Variants in SLC6A3 observed in about 807,000 individuals in gnomAD.
The protein encoded by SLC6A3 is sodium-dependent dopamine transporter.
A neutral mutation model predicts 70.4 loss-of-function variants in SLC6A3; 19 were observed. The ratio of observed to expected loss-of-function variants is 0.27; its 90% CI spans 0.19 to 0.40. The LOEUF (loss-of-function observed/expected upper bound fraction) is 0.40. Among genes scored for constraint, SLC6A3 ranks in the 10% least tolerant of loss-of-function variants. The probability of loss-of-function intolerance (pLI) is 1.00; values close to 1 mark genes in which losing one functional copy is unlikely to be tolerated. For missense variants in SLC6A3, 613 were observed against 838.5 expected (o/e 0.73, Z 3.32); for synonymous variants, 368 against 356.6 (o/e 1.03, Z -0.36).
At chr5:1,412,462 C>T (rs565994373) in intron 8 of SLC6A3, among the ~76,000 whole-genome samples, 10 of 152,318 alleles carry the variant, frequency 6.6e-5, no homozygotes, top group East Asian at 1.9e-4. Context: ...ATGGCAAAGG[C>T]GGAGGAGGTG....
rs1447367029 is a variant in SLC6A3, at chr5:1,422,634, C to CCA, written c.654-622_654-621dup. Among the ~76,000 whole-genome samples the CCA allele has an allele frequency of 1.5e-3, 76 of 49,882 alleles. 5 individuals are homozygous for CCA. The highest frequency in any genetic ancestry group is 3.4e-3 in the East Asian group (4 of 1,172). 32.7% of individuals were successfully genotyped at this position (49,882 alleles called of 152,430 possible). A position where few individuals can be genotyped will look rare whatever the true frequency, so the allele number is the denominator to read the frequency against. On this transcript the variant is annotated intron_variant, in intron 4 of 14. Transcript: ENST00000270349. ...CATGGTGCTGGGTGCCCACCGCTGC[C>CCA]CAGTGCTGCCCATGGTGCTGGGTAC... is the stretch of plus-strand genomic sequence containing the variant.
chr5:1,431,386 G>T (rs1015991371), intron 4 of SLC6A3, among the ~76,000 whole-genome samples: 2 of 152,166 alleles, frequency 1.3e-5, no homozygotes, highest in African/African-American at 4.8e-5. Context: ...CCTGGCCTGG[G>T]TGGACAGTGA....
intron 11 of SLC6A3, among the ~76,000 whole-genome samples, chr5:1,407,326 C>G (rs1255364107): frequency 6.6e-6 from 1 of 152,182 alleles, no homozygotes; most frequent in African/African-American, 2.4e-5. Context: ...GAGCTCTGAA[C>G]ATGAGAGATG....
At chr5:1,432,211 G>A (rs1756720703) in intron 4 of SLC6A3, among the ~76,000 whole-genome samples, 1 of 152,140 alleles carries the variant, frequency 6.6e-6, no homozygotes, top group African/African-American at 2.4e-5. Context: ...GCCGCTGGGA[G>A]CAGCCAAGGG....
chr5:1,409,012 T>G lies in SLC6A3; in HGVS notation c.1498+14A>C. ...CAAGAGGGTGCCGGCTTGGCTGCCTTCCCCCGGACTCACCATAGAACCAGG... is the reference window on the plus strand; with the variant it reads ...CAAGAGGGTGCCGGCTTGGCTGCCTGCCCCCGGACTCACCATAGAACCAGG... On this transcript the variant is annotated intron_variant, in intron 11 of 14. Transcript: ENST00000270349. 1 of 1,590,180 alleles carries G rather than the reference T, an allele frequency of 6.3e-7. No homozygotes were observed. The highest frequency in any genetic ancestry group is 1.1e-5 in the South Asian group (1 of 90,410).
At chr5:1,416,307 T>G in intron 6 of SLC6A3, 106 bp from the exon 7 acceptor site, 1 of 771,526 alleles carries the variant, frequency 1.3e-6, no homozygotes, top group South Asian at 1.4e-5. Context: ...GCCTCTAAAC[T>G]CAACACCATC....
intron 3 of SLC6A3, among the ~76,000 whole-genome samples, chr5:1,434,160 C>T (rs1756775718): frequency 1.3e-5 from 2 of 152,264 alleles, no homozygotes; most frequent in South Asian, 2.1e-4. Flanking sequence ...GTCACACTAC[C>T]CATGCATGAC....
intron 4 of SLC6A3, among the ~76,000 whole-genome samples, chr5:1,431,152 G>A (rs948146116): frequency 1.3e-5 from 2 of 152,258 alleles, no homozygotes; most frequent in Non-Finnish European, 2.9e-5. Context: ...AGGCCCGGCT[G>A]GCGAGGGCAG....
At chr5:1,444,445 C>G (rs376127229) in intron 1 of SLC6A3, among the ~76,000 whole-genome samples, 2 of 152,048 alleles carry the variant, frequency 1.3e-5, no homozygotes, top group South Asian at 4.1e-4. Flanking sequence ...CACATACACA[C>G]TCACACTCAC....
At chr5:1,403,147 C>T (rs1755891948) in intron 12 of SLC6A3, 58 bp from the exon 13 acceptor site, 4 of 1,583,200 alleles carry the variant, frequency 2.5e-6, no homozygotes, top group Non-Finnish European at 3.4e-6. Context: ...CAGGACAAAG[C>T]AGGGAGCGGG....
In SLC6A3 at chr5:1,437,308, T is replaced by C. The variant is rs1356319514; in HGVS notation, c.418+4051A>G. ...AAAGAGGGGAGAGGACGCCTCTCTG[T>C]GTCAGTCTGGGTGTCTTTAGTATGT... is the stretch of plus-strand genomic sequence containing the variant. On this transcript the variant is annotated intron_variant, in intron 3 of 14. Transcript: ENST00000270349. The surrounding 1 kb of genome is among the most constrained non-coding windows in gnomAD (Gnocchi z 4.8). Among the ~76,000 whole-genome samples the C allele has an allele frequency of 4.1e-4, 62 of 151,066 alleles. 1 individual carries two copies. The highest frequency in any genetic ancestry group is 4.1e-3 in the Admixed American group (62 of 15,226).
chr5:1,406,200 G>A lies in SLC6A3; in HGVS notation c.1587C>T (p.Pro529=). Residue 529 remains proline, a synonymous_variant, in exon 12 of 15, where the codon CCC becomes CCT. Coordinates refer to ENST00000270349, the MANE Select transcript of SLC6A3 (RefSeq NM_001044.5). This position sits in a 1 kb window ranked among gnomAD's most constrained non-coding sequence, Gnocchi z 8.8. ...CGAGGTCCCTTACCAGGAGAAAGCAGGGGCTGACCAGCTTCCAGCACAGCC... is the reference window on the plus strand; with the variant it reads ...CGAGGTCCCTTACCAGGAGAAAGCAAGGGCTGACCAGCTTCCAGCACAGCC... ...YWRLCWKLVS[P]CFLLFVVVVS... 1 of 1,612,514 alleles carries A rather than the reference G, an allele frequency of 6.2e-7. No individual in the cohort carries two copies. The highest frequency in any genetic ancestry group is 8.5e-7 in the Non-Finnish European group (1 of 1,179,558).
chr5:1,431,301 G>C (rs1469605034), intron 4 of SLC6A3, among the ~76,000 whole-genome samples: 1 of 152,242 alleles, frequency 6.6e-6, no homozygotes, highest in Non-Finnish European at 1.5e-5. Flanking sequence ...GAGCTGGCAC[G>C]GGGCCCAAAA....
intron 4 of SLC6A3, among the ~76,000 whole-genome samples, chr5:1,424,784 G>C (rs1756541341): frequency 6.6e-6 from 1 of 152,156 alleles, no homozygotes; most frequent in Admixed American, 6.5e-5. Context: ...ACACTGGGTC[G>C]AGCCCCTTCT....
At chr5:1,417,697 C>T (rs1306974201) in intron 6 of SLC6A3, among the ~76,000 whole-genome samples, 2 of 152,226 alleles carry the variant, frequency 1.3e-5, no homozygotes, top group Non-Finnish European at 2.9e-5. Flanking sequence ...CTTCCCTGGG[C>T]CTTGGATGGG....
chr5:1,442,879 C>A lies in SLC6A3; in HGVS notation c.286+33G>T. 6.2e-7 allele frequency: 1 copy of A among 1,613,482 alleles called. No homozygotes were observed. The highest frequency in any genetic ancestry group is 8.5e-7 in the Non-Finnish European group (1 of 1,179,532). ...GCTGCCCCTACGACCCCCGCCCGGC[C>A]AGCATGCTCAGGGAGGCTGAGATGG... On this transcript the variant is annotated intron_variant, in intron 2 of 14. Transcript: ENST00000270349. This position sits in a 1 kb window ranked among gnomAD's most constrained non-coding sequence, Gnocchi z 5.0.
intron 14 of SLC6A3, among the ~76,000 whole-genome samples, chr5:1,400,023 G>A (rs1038249888): frequency 1.3e-5 from 2 of 152,244 alleles, no homozygotes; most frequent in Non-Finnish European, 2.9e-5. Flanking sequence ...CCACAGAGAG[G>A]TGGCCAGAGG....
rs1279309528 is a variant in SLC6A3 at position 1,411,254 on chromosome 5, T to C, written c.1258A>G (p.Ile420Val). 1 of 1,550,698 alleles carries C rather than the reference T, an allele frequency of 6.4e-7. No individual in the cohort carries two copies. The highest frequency in any genetic ancestry group is 8.7e-7 in the Non-Finnish European group (1 of 1,146,492). Residue 420 changes from isoleucine to valine, a missense_variant, in exon 9 of 15, where the codon ATC becomes GTC. Around this residue, in one of 4 missense-constraint regions of SLC6A3, gnomAD observed 348 missense variants for 481.2 expected, o/e 0.72. Transcript: ENST00000270349. The surrounding 1 kb of genome is among the most constrained non-coding windows in gnomAD (Gnocchi z 6.5). ...TGCGGGTTACTCACGGCGCTGTCGATACCCAGGGTGAGCAGCATGATGAAG... is the reference window on the plus strand; with the variant it reads ...TGCGGGTTACTCACGGCGCTGTCGACACCCAGGGTGAGCAGCATGATGAAG... ...VFFIMLLTLG[I>V]DSAMGGMESV... is the part of the protein sequence containing the mutation.
At chr5:1,433,625 A>G (rs1249708676) in intron 3 of SLC6A3, among the ~76,000 whole-genome samples, 1 of 152,008 alleles carries the variant, frequency 6.6e-6, no homozygotes, top group Non-Finnish European at 1.5e-5. Context: ...ACAGTCATCC[A>G]TGGCCATCCA....
Sources: allele counts gnomAD v4.1 joint callset (sites outside exome capture counted in the v4.1 genomes callset), GRCh38; gene constraint gnomAD v4.1.1; regional missense constraint gnomAD v4.1.1; non-coding constraint Gnocchi (gnomAD v3.1); transcripts MANE v1.5; gene names NCBI Gene and HGNC (gene_info 2026-07-23, HGNC 2026-07-21).